ATG4C: variants seen among roughly 807,000 people sequenced by gnomAD.
ATG4C encodes cysteine protease ATG4C.
Under a neutral mutation model 57.6 loss-of-function variants are expected in ATG4C, and 56 were observed. That is an observed-to-expected ratio of 0.97 (90% CI 0.78 to 1.21). ATG4C has a LOEUF of 1.21. ATG4C is among the 50% of genes most tolerant of loss of function. The pLI is 0.00. For missense variants in ATG4C, 595 were observed against 529.8 expected (o/e 1.12, Z -1.21); for synonymous variants, 157 against 174.1 (o/e 0.90, Z 0.78).
chr1:62,823,087 C>T (rs1422793487), intron 6 of ATG4C, among the ~76,000 whole-genome samples: 2 of 152,092 alleles, frequency 1.3e-5, no homozygotes, highest in Admixed American at 1.3e-4. Context: ...GCCCTGAAGG[C>T]GGAGTTGCAG....
chr1:62,839,160 G>A (rs763258464), intron 9 of ATG4C, among the ~76,000 whole-genome samples: 3 of 152,182 alleles, frequency 2.0e-5, no homozygotes, highest in African/African-American at 7.2e-5. Context: ...CTGGGCTTAC[G>A]CAATTCTCCC....
Position 62,813,665 on chromosome 1 carries a change from C to G in ATG4C, c.161-2910C>G, listed in dbSNP as rs182009125. Among the ~76,000 whole-genome samples the G allele has an allele frequency of 1.8e-3, 271 of 152,184 alleles. 1 individual carries two copies. The highest frequency in any genetic ancestry group is 3.2e-3 in the Non-Finnish European group (217 of 68,006). The stretch of plus-strand genomic sequence containing the variant: ...ACTATCATCAGAGTAAATAGGCAAC[C>G]TATAGAATGGGAGAAAATTTTTGCA... On this transcript the variant is annotated intron_variant, in intron 3 of 10. Transcript: ENST00000317868.
chr1:62,821,645 T>A (rs1186922563), intron 6 of ATG4C, among the ~76,000 whole-genome samples: 1 of 152,104 alleles, frequency 6.6e-6, no homozygotes, highest in East Asian at 1.9e-4. Flanking sequence ...TTGCTTTGTT[T>A]TATTGTTTTG....
At chr1:62,786,935 T>C (rs772209737) in intron 1 of ATG4C, among the ~76,000 whole-genome samples, 15 of 151,886 alleles carry the variant, frequency 9.9e-5, no homozygotes, top group Non-Finnish European at 2.1e-4. Flanking sequence ...TTGGACAAGG[T>C]GGTGGTGGTA....
At chr1:62,829,701 G>A (rs6663454) in intron 7 of ATG4C, among the ~76,000 whole-genome samples, 28,988 of 151,754 alleles carry the variant, frequency 0.19, 3,580 homozygotes, top group Non-Finnish European at 0.28. Context: ...GTTAAAAATC[G>A]GTTCTTTCTT....
chr1:62,829,011 T>G, intron 6 of ATG4C, 29 bp from the exon 7 acceptor site: 1 of 1,572,830 alleles, frequency 6.4e-7, no homozygotes, highest in African/African-American at 1.4e-5. Context: ...TATATAAAAT[T>G]TAATACATAT....
At chr1:62,809,828 C>G (rs1665014918) in intron 3 of ATG4C, among the ~76,000 whole-genome samples, 1 of 151,630 alleles carries the variant, frequency 6.6e-6, no homozygotes, top group Non-Finnish European at 1.5e-5. Flanking sequence ...AATGCATATC[C>G]TGGTAATGAA....
intron 1 of ATG4C, among the ~76,000 whole-genome samples, chr1:62,802,422 G>A (rs562770748): frequency 8.6e-5 from 13 of 150,406 alleles, no homozygotes; most frequent in Admixed American, 3.3e-4. Flanking sequence ...TTGGATTTTC[G>A]GATTAACGAT....
rs192711738 is a variant in ATG4C, at chr1:62,830,999, A to T, written c.933+1823A>T. Among the ~76,000 whole-genome samples the T allele has an allele frequency of 3.3e-5, 5 of 152,290 alleles. No individual in the cohort carries two copies. In the East Asian group the frequency reaches 9.6e-4, roughly 29 times the overall value. Reference sequence around the variant, plus strand: ...TGATATATCCAAATTCAGATAGCAAACTGGTAGCAGAGACTAGACTTTTCT... The same window carrying T: ...TGATATATCCAAATTCAGATAGCAATCTGGTAGCAGAGACTAGACTTTTCT... On this transcript the variant is annotated intron_variant, in intron 7 of 10. Transcript: ENST00000317868.
At chr1:62,796,841 C>A (rs1664485587) in intron 1 of ATG4C, among the ~76,000 whole-genome samples, 1 of 152,216 alleles carries the variant, frequency 6.6e-6, no homozygotes, top group African/African-American at 2.4e-5. Flanking sequence ...GGCGCGGTGG[C>A]TCACACCTGT....
At chr1:62,859,407 A>T (rs1218235324) in intron 10 of ATG4C, among the ~76,000 whole-genome samples, 1 of 152,210 alleles carries the variant, frequency 6.6e-6, no homozygotes, top group Non-Finnish European at 1.5e-5. Context: ...CAATTATAAC[A>T]CAATGGTAAG....
chr1:62,827,784 A>AT (rs1665712364), intron 6 of ATG4C, among the ~76,000 whole-genome samples: 1 of 140,374 alleles, frequency 7.1e-6, no homozygotes, highest in African/African-American at 2.6e-5. Flanking sequence ...CCCAGTAGTT[A>AT]TTTTTTCTGC....
intron 8 of ATG4C, 81 bp from the exon 9 acceptor site, chr1:62,834,695 G>C (rs1172719469): frequency 7.6e-6 from 9 of 1,182,292 alleles, no homozygotes; most frequent in Non-Finnish European, 1.1e-5. Flanking sequence ...TTTTTCAGCT[G>C]TTCTACATAG....
At chr1:62,844,181 G>T (rs576655630) in intron 10 of ATG4C, among the ~76,000 whole-genome samples, 42 of 152,230 alleles carry the variant, frequency 2.8e-4, no homozygotes, top group Non-Finnish European at 4.9e-4. Flanking sequence ...AATCCCTAAA[G>T]GTGTGGCCTG....
chr1:62,843,199 G>T (rs971233474), intron 10 of ATG4C, among the ~76,000 whole-genome samples: 2 of 151,520 alleles, frequency 1.3e-5, no homozygotes, highest in African/African-American at 4.8e-5. Context: ...TCTAATTAAA[G>T]ACACTTATGG....
In ATG4C at chr1:62,816,771, CT is replaced by C; in HGVS notation, c.359del (p.Leu120TrpfsTer20). On this transcript the variant is annotated frameshift_variant, in exon 4 of 11. Transcript: ENST00000317868. LOFTEE classifies it high-confidence loss of function. The part of the protein sequence containing the change: ...GCTLRTGQML[L>X]AQGLILHFLG... ...GCACATTGAGAACTGGCCAGATGCT[CT>C]TGGCTCAAGGACTCATACTACACTT... 6.2e-7 allele frequency: 1 copy of C among 1,608,918 alleles called. No homozygotes were observed. Among genetic ancestry groups the C allele is most frequent in the Admixed American group, 1.7e-5 (1 of 59,410 alleles).
chr1:62,846,063 A>G lies in ATG4C; in HGVS notation c.1209+4516A>G, dbSNP rs369666905. On this transcript the variant is annotated intron_variant, in intron 10 of 10. Coordinates refer to ENST00000317868, the MANE Select transcript of ATG4C (RefSeq NM_032852.4). ...TCTAGGTGACCAGGGGAACAAATTA[A>G]TAGTTCATTAATATGGTGATTCATT... Among the ~76,000 whole-genome samples the G allele has an allele frequency of 4.6e-5, 7 of 152,162 alleles. No individual in the cohort carries two copies. The South Asian group carries it at 1.5e-3, about 32-fold the overall frequency.
intron 1 of ATG4C, among the ~76,000 whole-genome samples, chr1:62,790,528 A>C (rs975910358): frequency 1.8e-4 from 27 of 152,178 alleles, no homozygotes; most frequent in African/African-American, 6.3e-4. Flanking sequence ...TAGGTGTTCA[A>C]AGTTATTTGA....
chr1:62,865,314 C>A lies in ATG4C; in HGVS notation c.*1155C>A, dbSNP rs193122406. On this transcript the variant is annotated 3_prime_UTR_variant, in exon 11 of 11. Coordinates refer to ENST00000317868, the MANE Select transcript of ATG4C (RefSeq NM_032852.4). ...GAGCTTTCATGTTTCAGTGTAGAAA[C>A]GTGACTTATAAAGACATAAAATTGT... The A allele has an allele frequency of 2.0e-5, 3 of 151,578 alleles. No individual in the cohort carries two copies. The highest frequency in any genetic ancestry group is 7.3e-5 in the African/African-American group (3 of 41,328). 9.4% of individuals were successfully genotyped at this position (151,578 alleles called of 1,614,324 possible). A position where few individuals can be genotyped will look rare whatever the true frequency, so the allele number is the denominator to read the frequency against.
Sources: allele counts gnomAD v4.1 joint callset (sites outside exome capture counted in the v4.1 genomes callset), GRCh38; gene constraint gnomAD v4.1.1; transcripts MANE v1.5; gene names NCBI Gene and HGNC (gene_info 2026-07-23, HGNC 2026-07-21).